MAP2K5: variants seen among roughly 807,000 people sequenced by gnomAD.
MAP2K5 encodes the protein dual specificity mitogen-activated protein kinase kinase 5.
Under a neutral mutation model 83.1 loss-of-function variants are expected in MAP2K5, and 49 were observed. The observed-to-expected ratio is 0.59, with a 90% CI of 0.47 to 0.75. The LOEUF is 0.75. Among genes scored for constraint, MAP2K5 ranks in the 30% least tolerant of loss-of-function variants. MAP2K5 has a pLI of 0.00. For synonymous variants in MAP2K5, 202 were observed against 191.8 expected (o/e 1.05, Z -0.44); for missense variants, 457 against 557.5 (o/e 0.82, Z 1.82).
intron 9 of MAP2K5, chr15:67,641,698 C>A: frequency 2.5e-6 from 2 of 790,484 alleles, no homozygotes; most frequent in Non-Finnish European, 3.1e-6. Flanking sequence ...CCATGGAATG[C>A]TTCATATTCA....
intron 16 of MAP2K5, among the ~76,000 whole-genome samples, chr15:67,713,755 A>G (rs1033962672): frequency 5.3e-5 from 8 of 151,730 alleles, no homozygotes; most frequent in African/African-American, 1.7e-4. Flanking sequence ...AAAAAGTGGC[A>G]TGGATCACCC....
At chr15:67,692,690 T>C (rs1372293249) in intron 14 of MAP2K5, 138 bp downstream of exon 14, 4 of 620,584 alleles carry the variant, frequency 6.4e-6, no homozygotes, top group Non-Finnish European at 1.1e-5. Context: ...TGGGAGTGTG[T>C]TATTCATTTT....
chr15:67,689,463 T>C (rs2088043867), intron 13 of MAP2K5, among the ~76,000 whole-genome samples: 1 of 152,102 alleles, frequency 6.6e-6, no homozygotes, highest in Non-Finnish European at 1.5e-5. Flanking sequence ...GAAAACAGAA[T>C]GAACAAAGCC....
chr15:67,642,435 T>C (rs2086734728), intron 9 of MAP2K5: 1 of 1,611,344 alleles, frequency 6.2e-7, no homozygotes, highest in Non-Finnish European at 8.5e-7. Flanking sequence ...GGATGCATGC[T>C]CAAGGCAGAA....
chr15:67,619,246 T>C (rs1439940514), intron 8 of MAP2K5, among the ~76,000 whole-genome samples: 1 of 152,160 alleles, frequency 6.6e-6, no homozygotes, highest in Non-Finnish European at 1.5e-5. Context: ...TAATATCAAA[T>C]AGCATGTCCC....
chr15:67,571,437 A>T (rs1032521127), intron 3 of MAP2K5, among the ~76,000 whole-genome samples: 1 of 152,108 alleles, frequency 6.6e-6, no homozygotes, highest in Non-Finnish European at 1.5e-5. Context: ...GGGGATACTG[A>T]CTCAACCTCA....
rs1014739015 is a variant in MAP2K5 at position 67,719,223 on chromosome 15, TCAGTCTAA to T, written c.1045-8692_1045-8685del. On this transcript the variant is annotated intron_variant, in intron 16 of 21. Coordinates refer to ENST00000178640, the MANE Select transcript of MAP2K5 (RefSeq NM_145160.3). This position sits in a 1 kb window ranked among gnomAD's most constrained non-coding sequence, Gnocchi z 4.6. ...AATATGTGAAAATGGTAGCTACTGATCAGTCTAAGCAGTGATACGTAAGAGGGCCTTGT... is the reference window on the plus strand; with the variant it reads ...AATATGTGAAAATGGTAGCTACTGATGCAGTGATACGTAAGAGGGCCTTGT... Among the ~76,000 whole-genome samples the T allele has an allele frequency of 6.6e-6, 1 of 152,144 alleles. No individual in the cohort carries two copies. The highest frequency in any genetic ancestry group is 1.5e-5 in the Non-Finnish European group (1 of 68,026).
chr15:67,673,420 A>T (rs1256455282), intron 13 of MAP2K5, among the ~76,000 whole-genome samples: 1 of 152,166 alleles, frequency 6.6e-6, no homozygotes, highest in Non-Finnish European at 1.5e-5. Context: ...AAGATTAAAA[A>T]TGTTATAAGA....
chr15:67,748,802 A>C lies in MAP2K5; in HGVS notation c.1134+201A>C, dbSNP rs553567449. 6.6e-6 allele frequency among the ~76,000 whole-genome samples: 1 copy of C among 152,200 alleles called. No individual in the cohort carries two copies. The highest frequency in any genetic ancestry group is 1.5e-5 in the Non-Finnish European group (1 of 68,042). On this transcript the variant is annotated intron_variant, in intron 19 of 21. Transcript: ENST00000178640. The surrounding 1 kb of genome is among the most constrained non-coding windows in gnomAD (Gnocchi z 4.0). Reference sequence around the variant, plus strand: ...TGGCCAAGAAACCCTGCAAAAACAGACTATCCCGCAGGCTGGTCCTCAGGG... The same window carrying C: ...TGGCCAAGAAACCCTGCAAAAACAGCCTATCCCGCAGGCTGGTCCTCAGGG...
chr15:67,573,602 G>A lies in MAP2K5; in HGVS notation c.253-7152G>A, dbSNP rs1055159379. 6.6e-6 allele frequency among the ~76,000 whole-genome samples: 1 copy of A among 152,080 alleles called. No individual in the cohort carries two copies. Among genetic ancestry groups the A allele is most frequent in the East Asian group, 1.9e-4 (1 of 5,178 alleles). On this transcript the variant is annotated intron_variant, in intron 3 of 21. Coordinates refer to ENST00000178640, the MANE Select transcript of MAP2K5 (RefSeq NM_145160.3). The surrounding 1 kb of genome is among the most constrained non-coding windows in gnomAD (Gnocchi z 4.2). The stretch of plus-strand genomic sequence containing the variant: ...AGACTCCATCTTGAATAGAAGCTGG[G>A]TAAAATGAGGCTGCGACCTGCTGGG...
intron 17 of MAP2K5, among the ~76,000 whole-genome samples, chr15:67,732,239 G>A (rs2089239006): frequency 6.6e-6 from 1 of 152,092 alleles, no homozygotes; most frequent in African/African-American, 2.4e-5. Flanking sequence ...AAAACATAAT[G>A]GTGGGCAATG....
chr15:67,628,725 T>C, intron 8 of MAP2K5: 1 of 784,288 alleles, frequency 1.3e-6, no homozygotes, highest in East Asian at 2.4e-5. Context: ...AAGCAAGAGA[T>C]GGCTAATGCT....
At chr15:67,706,000 C>T (rs2088543521) in intron 16 of MAP2K5, among the ~76,000 whole-genome samples, 1 of 152,114 alleles carries the variant, frequency 6.6e-6, no homozygotes, top group South Asian at 2.1e-4. Flanking sequence ...ATGCTAAGGA[C>T]TTTAGGTATT....
rs2141100595 is a variant in MAP2K5 at position 67,636,594 on chromosome 15, GAAAGT to G, written c.585+5672_585+5676del. On this transcript the variant is annotated intron_variant, in intron 9 of 21. Coordinates refer to ENST00000178640, the MANE Select transcript of MAP2K5 (RefSeq NM_145160.3). This position sits in a 1 kb window ranked among gnomAD's most constrained non-coding sequence, Gnocchi z 4.7. ...TTTAAGTGAAAAGCAAGTTTATTAA[GAAAGT>G]AAAGGAATAAGAGAATAGCTACTCT... is the stretch of plus-strand genomic sequence containing the variant. Among the ~76,000 whole-genome samples, 1 of 151,914 alleles carries G rather than the reference GAAAGT, an allele frequency of 6.6e-6. No homozygotes were observed. Among genetic ancestry groups the G allele is most frequent in the South Asian group, 2.1e-4 (1 of 4,794 alleles).
chr15:67,657,881 G>A (rs2087127343), intron 11 of MAP2K5, among the ~76,000 whole-genome samples: 1 of 151,646 alleles, frequency 6.6e-6, no homozygotes, highest in African/African-American at 2.4e-5. Context: ...TTTGCATTTC[G>A]GAAGAATGAC....
At chr15:67,556,494 A>G (rs183360406) in intron 2 of MAP2K5, among the ~76,000 whole-genome samples, 52 of 151,952 alleles carry the variant, frequency 3.4e-4, no homozygotes, top group African/African-American at 1.2e-3. Flanking sequence ...GGTTTTTATA[A>G]AAAGCATGTA....
chr15:67,784,261 C>T (rs1052188985), intron 21 of MAP2K5, among the ~76,000 whole-genome samples: 2 of 152,232 alleles, frequency 1.3e-5, no homozygotes, highest in Non-Finnish European at 2.9e-5. Context: ...GACTGTCCTA[C>T]TGCACAACAT....
Position 67,778,023 on chromosome 15 carries a change from T to C in MAP2K5, c.1242+5271T>C, listed in dbSNP as rs562404884. 3.3e-5 allele frequency among the ~76,000 whole-genome samples: 5 copies of C among 152,370 alleles called. No individual in the cohort carries two copies. In the East Asian group the frequency reaches 9.6e-4, roughly 29 times the overall value. On this transcript the variant is annotated intron_variant, in intron 21 of 21. Transcript: ENST00000178640. This position sits in a 1 kb window ranked among gnomAD's most constrained non-coding sequence, Gnocchi z 5.0. ...TCAGAATAGCGCTCTTGGATTTTTT[T>C]CCTTCATGTCATCCCAGCAGCTGCA...
chr15:67,559,015 A>G lies in MAP2K5; in HGVS notation c.185-4268A>G, dbSNP rs2077961033. On this transcript the variant is annotated intron_variant, in intron 2 of 21. Coordinates refer to ENST00000178640, the MANE Select transcript of MAP2K5 (RefSeq NM_145160.3). The surrounding 1 kb of genome is among the most constrained non-coding windows in gnomAD (Gnocchi z 4.7). Reference sequence around the variant, plus strand: ...AGAAGCTAAATTAAAACTCATGGATATGAAGATGTGGCCATGGAAAGTACG... The same window carrying G: ...AGAAGCTAAATTAAAACTCATGGATGTGAAGATGTGGCCATGGAAAGTACG... 1.3e-5 allele frequency among the ~76,000 whole-genome samples: 2 copies of G among 152,250 alleles called. No homozygotes were observed. Among genetic ancestry groups the G allele is most frequent in the African/African-American group, 4.8e-5 (2 of 41,476 alleles).
Sources: allele counts gnomAD v4.1 joint callset (sites outside exome capture counted in the v4.1 genomes callset), GRCh38; gene constraint gnomAD v4.1.1; non-coding constraint Gnocchi (gnomAD v3.1); transcripts MANE v1.5; gene names NCBI Gene and HGNC (gene_info 2026-07-23, HGNC 2026-07-21).